ABR: variants seen among roughly 807,000 people sequenced by gnomAD.
The protein encoded by ABR is ABR activator of RhoGEF and GTPase, also known as active breakpoint cluster region-related protein.
In ABR, 35 loss-of-function variants were observed where a neutral mutation model predicts 107.2. The observed-to-expected ratio is 0.33, with a 90% CI of 0.25 to 0.43. ABR has a LOEUF of 0.43. ABR is among the 20% of genes least tolerant of loss of function. The pLI is 1.00. For missense variants in ABR, 815 were observed against 1,115.2 expected (o/e 0.73, Z 3.83); for synonymous variants, 498 against 462.0 (o/e 1.08, Z -1.00).
At chr17:1,206,002 G>C (rs1455360656) in intron 1 of ABR, among the ~76,000 whole-genome samples, 2 of 151,350 alleles carry the variant, frequency 1.3e-5, no homozygotes, top group African/African-American at 4.9e-5. Flanking sequence ...TGTAGTCCCA[G>C]CTACTTGGGA....
At chr17:1,039,086 C>T (rs1421648762) in intron 16 of ABR, among the ~76,000 whole-genome samples, 1 of 152,190 alleles carries the variant, frequency 6.6e-6, no homozygotes, top group Non-Finnish European at 1.5e-5. Context: ...AGCCCGGCAC[C>T]CAGAGCTGAG....
intron 1 of ABR, among the ~76,000 whole-genome samples, chr17:1,215,269 C>T (rs1336315827): frequency 6.6e-6 from 1 of 151,780 alleles, no homozygotes; most frequent in Non-Finnish European, 1.5e-5. Context: ...TCTCTCTCCA[C>T]GGTCTCCCTC....
chr17:1,228,101 T>A (rs1402629032), intron 1 of ABR: 5 of 152,334 alleles, frequency 3.3e-5, no homozygotes, highest in South Asian at 4.1e-4. Flanking sequence ...GACGCTGGAC[T>A]AGACATGGTC....
chr17:1,032,850 C>T (rs375097132), intron 16 of ABR, among the ~76,000 whole-genome samples: 6 of 152,192 alleles, frequency 3.9e-5, no homozygotes, highest in Non-Finnish European at 7.3e-5. Context: ...GGCCTCGGAC[C>T]TCTGCAGACC....
In ABR at chr17:1,078,905, G is replaced by C; in HGVS notation, c.700+425C>G. Reference sequence around the variant, plus strand: ...CGGGAGCGTGCAGCCATCGCTCCAGGCTCCCCGGCGCCCACCAGCAGCCCG... The same window carrying C: ...CGGGAGCGTGCAGCCATCGCTCCAGCCTCCCCGGCGCCCACCAGCAGCCCG... On this transcript the variant is annotated intron_variant, in intron 6 of 22. Coordinates refer to ENST00000302538, the MANE Select transcript of ABR (RefSeq NM_021962.5). This position sits in a 1 kb window ranked among gnomAD's most constrained non-coding sequence, Gnocchi z 7.5. The C allele has an allele frequency of 6.5e-7, 1 of 1,533,770 alleles. No individual in the cohort carries two copies. Among genetic ancestry groups the C allele is most frequent in the Non-Finnish European group, 8.7e-7 (1 of 1,145,826 alleles).
rs1210572660 is a variant in ABR at position 1,078,444 on chromosome 17, C to T, written c.700+886G>A. ...ATCGCCACCCATCGCCACGCTGTGC[C>T]TGGCCCCCGCAGACCCTCTCCCTGG... On this transcript the variant is annotated intron_variant, in intron 6 of 22. Transcript: ENST00000302538. The surrounding 1 kb of genome is among the most constrained non-coding windows in gnomAD (Gnocchi z 7.5). 6.6e-6 allele frequency among the ~76,000 whole-genome samples: 1 copy of T among 152,188 alleles called. No homozygotes were observed. Among genetic ancestry groups the T allele is most frequent in the Non-Finnish European group, 1.5e-5 (1 of 68,026 alleles).
intron 1 of ABR, among the ~76,000 whole-genome samples, chr17:1,143,001 C>T (rs1262431202): frequency 2.1e-5 from 3 of 144,716 alleles, no homozygotes; most frequent in African/African-American, 7.7e-5. Context: ...GGGGACAGCT[C>T]ATTCCTGGGG....
intron 5 of ABR, among the ~76,000 whole-genome samples, chr17:1,079,778 G>T (rs2036066136): frequency 1.8e-5 from 2 of 113,928 alleles, no homozygotes; most frequent in East Asian, 2.7e-4. Flanking sequence ...AACAGGGCGA[G>T]ACTCTGTCTC....
At chr17:1,194,102 C>G (rs534400224) in intron 1 of ABR, among the ~76,000 whole-genome samples, 18 of 152,196 alleles carry the variant, frequency 1.2e-4, no homozygotes, top group Admixed American at 2.6e-4. Context: ...GCTCCTGGGT[C>G]TTTTGATTTC....
chr17:1,033,664 C>T (rs966170560), intron 16 of ABR, among the ~76,000 whole-genome samples: 3 of 152,202 alleles, frequency 2.0e-5, no homozygotes, highest in African/African-American at 7.2e-5. Flanking sequence ...CTTCCTGGCT[C>T]ACACGTCACA....
At position 1,125,311 on chromosome 17, in the gene ABR, G is replaced by A. The variant is rs142677383; in HGVS notation, c.118C>T (p.Pro40Ser). The A allele has an allele frequency of 6.2e-7, 1 of 1,613,894 alleles. No homozygotes were observed. The highest frequency in any genetic ancestry group is 8.5e-7 in the Non-Finnish European group (1 of 1,179,958). The change falls in exon 2 of 23, where the codon CCC (proline) becomes TCC (serine). Residue 40 changes from proline to serine, a missense_variant. Transcript: ENST00000302538. ...DGEGNEEQKGPPEGSETMPYI... is the reference protein window; with the variant it reads ...DGEGNEEQKGSPEGSETMPYI... The stretch of plus-strand genomic sequence containing the variant: ...GGCATGGTCTCTGAGCCCTCCGGGG[G>A]CCCCTTCTGCTCCTCATTCCCCTCT...
chr17:1,069,166 T>C (rs2151164116), intron 9 of ABR, among the ~76,000 whole-genome samples: 1 of 152,268 alleles, frequency 6.6e-6, no homozygotes, highest in East Asian at 1.9e-4. Flanking sequence ...AATTGGGCAT[T>C]CACAGTGATT....
chr17:1,108,526 T>G (rs565664895), intron 2 of ABR, among the ~76,000 whole-genome samples: 1 of 152,260 alleles, frequency 6.6e-6, no homozygotes, highest in Non-Finnish European at 1.5e-5. Flanking sequence ...GCTCTTGCCC[T>G]TTGCAAACAC....
intron 18 of ABR, 80 bp from the exon 19 acceptor site, chr17:1,012,065 AC>A: frequency 3.1e-6 from 5 of 1,591,194 alleles, no homozygotes; most frequent in African/African-American, 1.3e-5. Flanking sequence ...GCACACACAC[AC>A]CCTGGAGAGC....
At chr17:1,108,049 G>T (rs530183807) in intron 2 of ABR, among the ~76,000 whole-genome samples, 2 of 152,300 alleles carry the variant, frequency 1.3e-5, no homozygotes, top group South Asian at 2.1e-4. Context: ...TCTAGGCCCC[G>T]CCGATGGGCA....
At chr17:1,149,464 A>C (rs1242775704) in intron 1 of ABR, among the ~76,000 whole-genome samples, 1 of 144,552 alleles carries the variant, frequency 6.9e-6, no homozygotes, top group African/African-American at 2.6e-5. Context: ...TCACTCTGTC[A>C]CCCAGGCTGG....
intron 1 of ABR, among the ~76,000 whole-genome samples, chr17:1,135,258 G>A (rs908819747): frequency 3.9e-5 from 6 of 152,208 alleles, no homozygotes; most frequent in Non-Finnish European, 7.3e-5. Flanking sequence ...GAGCTGAGCC[G>A]AGAGCCGTGC....
At chr17:1,145,917 G>A (rs968002675) in intron 1 of ABR, among the ~76,000 whole-genome samples, 29 of 152,216 alleles carry the variant, frequency 1.9e-4, no homozygotes, top group East Asian at 1.9e-4. Context: ...GGGTGGCCAC[G>A]TTCACTGGCC....
chr17:1,185,699 G>A (rs1047717336), intron 1 of ABR, among the ~76,000 whole-genome samples: 2 of 150,610 alleles, frequency 1.3e-5, no homozygotes, highest in Admixed American at 6.6e-5. Flanking sequence ...GTGCCCAGGT[G>A]GATCAAGAAG....
Sources: gnomAD v4.1 joint callset for allele counts (sites outside exome capture counted in the v4.1 genomes callset) on GRCh38, gnomAD v4.1.1 for gene constraint, Gnocchi (gnomAD v3.1) non-coding constraint, MANE v1.5 for transcripts, NCBI Gene and HGNC (gene_info 2026-07-23, HGNC 2026-07-21) for gene names.